The following ARHGEF4 variants were observed in gnomAD, a reference collection of about 807,000 sequenced individuals.
ARHGEF4 encodes Rho guanine nucleotide exchange factor 4.
In ARHGEF4, 119 loss-of-function variants were observed where a neutral mutation model predicts 162.0. The observed-to-expected ratio is 0.73, with a 90% confidence interval of 0.63 to 0.86. The LOEUF is 0.86. Ranked by LOEUF, ARHGEF4 falls within the 40% of genes least tolerant of loss-of-function variation. ARHGEF4 has a pLI of 0.00. For missense variants in ARHGEF4, 2,488 were observed against 2,456.0 expected, an observed-to-expected ratio of 1.01 and a Z score of -0.28; for synonymous variants, 1,014 against 979.9, an observed-to-expected ratio of 1.03 and a Z score of -0.65.
chr2:130,892,467 C>T (rs1679911822), intron 1 of ARHGEF4, among the ~76,000 whole-genome samples: 1 of 152,230 alleles, frequency 6.6e-6, no homozygotes, highest in African/African-American at 2.4e-5. Flanking sequence ...TTCTTACCAA[C>T]TGGTTATAAA....
Position 130,872,058 on chromosome 2 carries a change from G to A in ARHGEF4, c.39+35066G>A, listed in dbSNP as rs547215788. ...CAACAGGGCCTCGCAGCACCGCAGC[G>A]CGGTTCAGGTCAGGGCAGGCAATCG... On this transcript the variant is annotated intron_variant, in intron 1 of 13. Coordinates refer to ENST00000409359, the MANE Select transcript of ARHGEF4 (RefSeq NM_001367493.1). Among the ~76,000 whole-genome samples, 98 of 152,374 alleles carry A rather than the reference G, an allele frequency of 6.4e-4. 2 individuals carry two copies. Among genetic ancestry groups the A allele is most frequent in the South Asian group, 2.5e-3 (12 of 4,832 alleles).
At chr2:130,975,437 A>C (rs1685640472) in intron 4 of ARHGEF4, among the ~76,000 whole-genome samples, 1 of 152,126 alleles carries the variant, frequency 6.6e-6, no homozygotes. Flanking sequence ...CTGCTGAGCC[A>C]CTGGGCCCCT....
intron 4 of ARHGEF4, among the ~76,000 whole-genome samples, chr2:130,976,995 T>C (rs1377426217): frequency 2.0e-5 from 3 of 151,700 alleles, no homozygotes; most frequent in Non-Finnish European, 4.4e-5. Flanking sequence ...TGTATATTAC[T>C]GTGTCTGGCA....
rs759966553 is a variant in ARHGEF4, at chr2:130,946,682, A to G, written c.3985+47A>G. 4 of 1,610,052 alleles carry G rather than the reference A, an allele frequency of 2.5e-6. No individual in the cohort carries two copies. In the East Asian group the frequency reaches 6.7e-5, roughly 27 times the overall value. ...TTTGCTATGTACTCTGGATCCTGGCATGAAGGACAAGAAGCTAGTGCTGTT... is the reference window on the plus strand; with the variant it reads ...TTTGCTATGTACTCTGGATCCTGGCGTGAAGGACAAGAAGCTAGTGCTGTT... On this transcript the variant is annotated intron_variant, in intron 4 of 13. Coordinates refer to ENST00000409359, the MANE Select transcript of ARHGEF4 (RefSeq NM_001367493.1).
At chr2:130,845,200 T>C (rs1478089259) in intron 1 of ARHGEF4, among the ~76,000 whole-genome samples, 1 of 151,050 alleles carries the variant, frequency 6.6e-6, no homozygotes, top group Non-Finnish European at 1.5e-5. Context: ...CTGATGTTGC[T>C]GGCCGAAGTT....
At chr2:130,912,239 C>T (rs988245183) in intron 1 of ARHGEF4, among the ~76,000 whole-genome samples, 4 of 152,224 alleles carry the variant, frequency 2.6e-5, no homozygotes, top group African/African-American at 9.6e-5. Flanking sequence ...ACGCTGAAGG[C>T]GTCTGGCCCT....
intron 4 of ARHGEF4, among the ~76,000 whole-genome samples, chr2:131,015,097 G>A (rs1242410547): frequency 6.6e-6 from 1 of 152,116 alleles, no homozygotes; most frequent in Admixed American, 6.5e-5. Flanking sequence ...AAGGAGGGTT[G>A]TATGTTCTCA....
At chr2:130,875,762 G>A (rs566005473) in intron 1 of ARHGEF4, among the ~76,000 whole-genome samples, 14 of 152,198 alleles carry the variant, frequency 9.2e-5, no homozygotes, top group South Asian at 6.2e-4. Context: ...AAGATATTCC[G>A]CAAGTGGATC....
rs1470831703 is a variant in ARHGEF4, at chr2:130,884,677, C to A, written c.40-29309C>A. Among the ~76,000 whole-genome samples the A allele has an allele frequency of 5.9e-5, 9 of 152,234 alleles. No individual in the cohort carries two copies. In the East Asian group the frequency reaches 1.7e-3, roughly 29 times the overall value. ...ACATTTAGAAAGCGATAACAAGTAA[C>A]CATGATACAAAGCAATATATGGAAC... On this transcript the variant is annotated intron_variant, in intron 1 of 13. Transcript: ENST00000409359.
chr2:130,901,958 G>A (rs967334139), intron 1 of ARHGEF4, among the ~76,000 whole-genome samples: 1 of 152,122 alleles, frequency 6.6e-6, no homozygotes, highest in African/African-American at 2.4e-5. Context: ...AGTTATTCAT[G>A]CCAGCTGGTT....
intron 4 of ARHGEF4, among the ~76,000 whole-genome samples, chr2:130,959,887 T>C (rs764509876): frequency 6.6e-6 from 1 of 152,222 alleles, no homozygotes; most frequent in Non-Finnish European, 1.5e-5. Context: ...TCTCTAGACT[T>C]AGACAAGCTT....
intron 2 of ARHGEF4, among the ~76,000 whole-genome samples, chr2:130,930,145 G>A (rs1040623183): frequency 9.2e-5 from 14 of 151,972 alleles, no homozygotes; most frequent in East Asian, 7.7e-4. Flanking sequence ...TGCCCGCCTC[G>A]GCCTCCCAAC....
intron 5 of ARHGEF4, chr2:131,035,147 G>T (rs1690154305): frequency 8.3e-7 from 1 of 1,205,966 alleles, no homozygotes; most frequent in Non-Finnish European, 1.0e-6. Flanking sequence ...AACGCCCTGC[G>T]CGCCCTGCTG....
At position 131,046,203 on chromosome 2, in the gene ARHGEF4, T is replaced by G; in HGVS notation, c.*14T>G. On this transcript the variant is annotated 3_prime_UTR_variant, in exon 14 of 14. Coordinates refer to ENST00000409359, the MANE Select transcript of ARHGEF4 (RefSeq NM_001367493.1). ...TTCCGCAAGTGAACTGGTCCCTGCC[T>G]GACAGCACCTGCTGGGCCTTCCTGC... is the stretch of plus-strand genomic sequence containing the variant. 5 of 1,601,066 alleles carry G rather than the reference T, an allele frequency of 3.1e-6. No homozygotes were observed. Among genetic ancestry groups the G allele is most frequent in the Non-Finnish European group, 4.3e-6 (5 of 1,171,662 alleles).
chr2:131,020,287 C>A, intron 4 of ARHGEF4, among the ~76,000 whole-genome samples: 1 of 151,240 alleles, frequency 6.6e-6, no homozygotes, highest in East Asian at 2.0e-4. Context: ...GTGCTGCACC[C>A]ATTAACTCTT....
intron 4 of ARHGEF4, among the ~76,000 whole-genome samples, chr2:130,973,865 A>G (rs1685519548): frequency 6.6e-6 from 1 of 152,202 alleles, no homozygotes; most frequent in Non-Finnish European, 1.5e-5. Flanking sequence ...GGGAAATCTC[A>G]AAGATAATTT....
intron 1 of ARHGEF4, among the ~76,000 whole-genome samples, chr2:130,869,552 C>T (rs537023033): frequency 6.6e-6 from 1 of 152,178 alleles, no homozygotes; most frequent in Non-Finnish European, 1.5e-5. Flanking sequence ...ATAGGCAGTG[C>T]TTGAATCTGT....
Position 130,839,395 on chromosome 2 carries a change from C to G in ARHGEF4, c.39+2403C>G, listed in dbSNP as rs554179576. Among the ~76,000 whole-genome samples the G allele has an allele frequency of 3.7e-4, 56 of 152,298 alleles. 1 individual carries two copies. The South Asian group carries it at 0.011, about 30-fold the overall frequency. On this transcript the variant is annotated intron_variant, in intron 1 of 13. Transcript: ENST00000409359. ...GGGAACCTCAGATTGTCTGGGTCTC[C>G]CAGTCAGACTCTGTTAGCCAAGATG...
At chr2:131,030,242 G>T (rs1689758804) in intron 5 of ARHGEF4, among the ~76,000 whole-genome samples, 1 of 151,996 alleles carries the variant, frequency 6.6e-6, no homozygotes, top group Non-Finnish European at 1.5e-5. Flanking sequence ...GCGAAGAGGT[G>T]TTTTTTTGGG....
Sources: allele counts gnomAD v4.1 joint callset (sites outside exome capture counted in the v4.1 genomes callset), GRCh38; gene constraint gnomAD v4.1.1; transcripts MANE v1.5; gene names NCBI Gene and HGNC (gene_info 2026-07-23, HGNC 2026-07-21).